The following NMT2 variants were observed in gnomAD, a reference collection of about 807,000 sequenced individuals.
The protein encoded by NMT2 is glycylpeptide N-tetradecanoyltransferase 2.
Under a neutral mutation model 65.4 loss-of-function variants are expected in NMT2, and 35 were observed. The ratio of observed to expected loss-of-function variants is 0.54; its 90% confidence interval spans 0.41 to 0.71. NMT2 has a LOEUF of 0.71. Among genes scored for constraint, NMT2 ranks in the 30% least tolerant of loss-of-function variants. The pLI is 0.00. For missense variants in NMT2, 489 were observed against 611.3 expected (o/e 0.80, Z 2.11); for synonymous variants, 226 against 231.8 (o/e 0.98, Z 0.23).
intron 3 of NMT2, among the ~76,000 whole-genome samples, chr10:15,134,081 G>T (rs1048899909): frequency 5.3e-5 from 8 of 152,152 alleles, no homozygotes; most frequent in African/African-American, 1.9e-4. Flanking sequence ...AACTGGGAGA[G>T]GAAAGGGCTG....
intron 9 of NMT2, among the ~76,000 whole-genome samples, chr10:15,113,445 G>A (rs1845635128): frequency 7.4e-6 from 1 of 134,852 alleles, no homozygotes; most frequent in African/African-American, 3.3e-5. Context: ...ACTCCAGCCT[G>A]GGCGACAGGA....
At chr10:15,142,955 T>C (rs1461022106) in intron 1 of NMT2, among the ~76,000 whole-genome samples, 2 of 152,218 alleles carry the variant, frequency 1.3e-5, no homozygotes, top group African/African-American at 4.8e-5. Flanking sequence ...ACCCTGTGAA[T>C]TGGTGAATCC....
rs1169255963 is a variant in NMT2 at position 15,113,463 on chromosome 10, CAAAAAAAAAAAAA to C, written c.1171-513_1171-501del. Among the ~76,000 whole-genome samples, 6 of 37,004 alleles carry C rather than the reference CAAAAAAAAAAAAA, an allele frequency of 1.6e-4. No individual in the cohort carries two copies. In the South Asian group the frequency reaches 5.4e-3, roughly 33 times the overall value. 24.3% of individuals were successfully genotyped at this position (37,004 alleles called of 152,430 possible). A position where few individuals can be genotyped will look rare whatever the true frequency, so the allele number is the denominator to read the frequency against. On this transcript the variant is annotated intron_variant, in intron 9 of 11. Transcript: ENST00000378165. ...CCAGCCTGGGCGACAGGATGAGACTCAAAAAAAAAAAAAAAAAAAAAAAAAAGAAAGAAAGATA... is the reference window on the plus strand; with the variant it reads ...CCAGCCTGGGCGACAGGATGAGACTCAAAAAAAAAAAAAGAAAGAAAGATA...
chr10:15,111,840 G>T (rs889744284), intron 10 of NMT2: 1 of 151,314 alleles, frequency 6.6e-6, no homozygotes, highest in African/African-American at 2.4e-5. Context: ...TTGAGACAGG[G>T]TCTCACTCTG....
chr10:15,159,199 C>G (rs1283781704), intron 1 of NMT2, among the ~76,000 whole-genome samples: 2 of 152,140 alleles, frequency 1.3e-5, no homozygotes, highest in Non-Finnish European at 2.9e-5. Context: ...CCAGTGAGAT[C>G]CTTTCTGGAG....
chr10:15,128,875 T>G (rs765004423), intron 7 of NMT2, among the ~76,000 whole-genome samples: 3 of 151,846 alleles, frequency 2.0e-5, no homozygotes, highest in Non-Finnish European at 4.4e-5. Context: ...CACGGTGGTG[T>G]GCACCTGTAA....
At chr10:15,110,816 A>C (rs1845487460) in intron 10 of NMT2, among the ~76,000 whole-genome samples, 1 of 152,048 alleles carries the variant, frequency 6.6e-6, no homozygotes, top group African/African-American at 2.4e-5. Flanking sequence ...TTTGAGATGG[A>C]GTCTCACTCT....
intron 8 of NMT2, among the ~76,000 whole-genome samples, chr10:15,119,874 C>G (rs922201657): frequency 6.6e-6 from 1 of 152,174 alleles, no homozygotes; most frequent in Non-Finnish European, 1.5e-5. Flanking sequence ...CCAAAACACA[C>G]CAATGTATAT....
At chr10:15,164,157 T>C (rs1273543331) in intron 1 of NMT2, among the ~76,000 whole-genome samples, 1 of 115,408 alleles carries the variant, frequency 8.7e-6, no homozygotes, top group Non-Finnish European at 1.6e-5. Flanking sequence ...CACTTCAGCC[T>C]GGGGGACAGA....
intron 9 of NMT2, among the ~76,000 whole-genome samples, chr10:15,113,962 G>A (rs774730250): frequency 2.6e-5 from 4 of 152,280 alleles, no homozygotes; most frequent in Admixed American, 6.5e-5. Flanking sequence ...TGTTTGAATC[G>A]TGCGGCTGAA....
chr10:15,118,589 C>CAAA (rs34019665), intron 9 of NMT2, among the ~76,000 whole-genome samples: 3 of 126,324 alleles, frequency 2.4e-5, no homozygotes, highest in African/African-American at 8.7e-5. Flanking sequence ...CAACTACGGT[C>CAAA]AAAAAAAAAA....
Position 15,108,991 on chromosome 10 carries a change from G to A in NMT2, c.*204C>T. On this transcript the variant is annotated 3_prime_UTR_variant, in exon 12 of 12. Coordinates refer to ENST00000378165, the MANE Select transcript of NMT2 (RefSeq NM_004808.3). ...AGCCTTTCATCCCTCCCACAAATAG[G>A]TCAACAGTAAAAAAAGGATGAAGTT... 3 of 1,348,238 alleles carry A rather than the reference G, an allele frequency of 2.2e-6. No individual in the cohort carries two copies. In the South Asian group the frequency reaches 5.1e-5, roughly 23 times the overall value. 83.5% of individuals were successfully genotyped at this position (1,348,238 alleles called of 1,614,324 possible).
intron 2 of NMT2, among the ~76,000 whole-genome samples, chr10:15,140,122 C>T (rs1345626129): frequency 6.6e-6 from 1 of 151,772 alleles, no homozygotes; most frequent in Non-Finnish European, 1.5e-5. Flanking sequence ...ACATGCTACT[C>T]ACATTGATTG....
intron 2 of NMT2, 112 bp from the exon 3 acceptor site, chr10:15,135,530 C>T: frequency 3.7e-6 from 4 of 1,074,004 alleles, no homozygotes; most frequent in Non-Finnish European, 5.5e-6. Context: ...ACTAACAATC[C>T]TCCTCCAAGC....
intron 9 of NMT2, among the ~76,000 whole-genome samples, chr10:15,116,526 C>T (rs772571138): frequency 1.1e-4 from 16 of 151,926 alleles, no homozygotes; most frequent in Admixed American, 6.6e-5. Flanking sequence ...AAAAGAAGAG[C>T]AAAATAAACC....
chr10:15,157,386 G>A (rs1833039032), intron 1 of NMT2, among the ~76,000 whole-genome samples: 1 of 152,148 alleles, frequency 6.6e-6, no homozygotes, highest in African/African-American at 2.4e-5. Context: ...CTGCAGCAAT[G>A]GGGTACAAGA....
intron 9 of NMT2, among the ~76,000 whole-genome samples, chr10:15,118,762 G>C (rs1444229916): frequency 6.6e-6 from 1 of 152,110 alleles, no homozygotes; most frequent in Non-Finnish European, 1.5e-5. Flanking sequence ...CCATACCCAC[G>C]TCTTGTGAGG....
At chr10:15,127,601 AAAAT>A in intron 8 of NMT2, among the ~76,000 whole-genome samples, 1 of 147,998 alleles carries the variant, frequency 6.8e-6, no homozygotes, top group Non-Finnish European at 1.5e-5. Context: ...TAAATAAAAT[AAAAT>A]AAATAAATAA....
At chr10:15,161,464 G>A (rs1833196102) in intron 1 of NMT2, among the ~76,000 whole-genome samples, 1 of 152,012 alleles carries the variant, frequency 6.6e-6, no homozygotes, top group African/African-American at 2.4e-5. Flanking sequence ...TGATTCTCCT[G>A]CCTGCCTCAG....
Sources: gnomAD v4.1 joint callset for allele counts (sites outside exome capture counted in the v4.1 genomes callset) on GRCh38, gnomAD v4.1.1 for gene constraint, MANE v1.5 for transcripts, NCBI Gene and HGNC (gene_info 2026-07-23, HGNC 2026-07-21) for gene names.